Variants in NRG1 observed in about 807,000 individuals in gnomAD.
NRG1 encodes the protein pro-neuregulin-1, membrane-bound isoform.
Under a neutral mutation model 63.8 loss-of-function variants are expected in NRG1, and 18 were observed. That is an observed-to-expected ratio of 0.28 (90% CI 0.19 to 0.42). The LOEUF (loss-of-function observed/expected upper bound fraction) is 0.42. Among genes scored for constraint, NRG1 ranks in the 10% least tolerant of loss-of-function variants. The pLI is 1.00. For missense variants in NRG1, 762 were observed against 814.7 expected (o/e 0.94, Z 0.79); for synonymous variants, 302 against 301.3 (o/e 1.00, Z -0.02).
chr8:31,643,014 A>G (rs1803952754), intron 1 of NRG1, among the ~76,000 whole-genome samples: 1 of 151,514 alleles, frequency 6.6e-6, no homozygotes, highest in African/African-American at 2.4e-5. Flanking sequence ...GAGAGAATGA[A>G]TGAATGTGTG....
chr8:31,829,704 G>A (rs1027618563), intron 1 of NRG1, among the ~76,000 whole-genome samples: 1 of 152,194 alleles, frequency 6.6e-6, no homozygotes, highest in South Asian at 2.1e-4. Context: ...GATGTGTCCT[G>A]CAGCAGGTTG....
intron 1 of NRG1, among the ~76,000 whole-genome samples, chr8:32,154,547 C>G (rs550534482): frequency 6.6e-6 from 1 of 152,066 alleles, no homozygotes; most frequent in Non-Finnish European, 1.5e-5. Context: ...TATTTTCCTT[C>G]CTTCCTTCCT....
intron 5 of NRG1, chr8:32,647,345 C>T (rs1853815788): frequency 2.2e-5 from 22 of 985,326 alleles, no homozygotes; most frequent in Non-Finnish European, 2.7e-5. Context: ...TTCAGATGCT[C>T]GAGGTGAGAA....
At chr8:31,998,001 G>A (rs1180818457) in intron 1 of NRG1, among the ~76,000 whole-genome samples, 2 of 151,866 alleles carry the variant, frequency 1.3e-5, no homozygotes, top group Non-Finnish European at 2.9e-5. Context: ...ATCCTCTATT[G>A]CCTCTTAAAT....
rs544331193 is a variant in NRG1, at chr8:32,606,520, C to CT, written c.400+837_400+838insT. 5.1e-4 allele frequency among the ~76,000 whole-genome samples: 77 copies of CT among 151,724 alleles called. 1 individual carries two copies. The highest frequency in any genetic ancestry group is 1.8e-3 in the African/African-American group (74 of 41,102). ...TTCCAGGAAATTAAAAGAACCACCC[C>CT]GATGGCTTTGTGTTTTGTAATAGCC... On this transcript the variant is annotated intron_variant, in intron 3 of 11. Coordinates refer to ENST00000356819, the Ensembl canonical transcript of NRG1.
At chr8:31,729,360 C>T (rs1486997656) in intron 1 of NRG1, among the ~76,000 whole-genome samples, 2 of 151,888 alleles carry the variant, frequency 1.3e-5, no homozygotes, top group African/African-American at 4.8e-5. Context: ...GTCTTATCTG[C>T]TTTGGCAAAT....
In NRG1 at chr8:32,179,859, C is replaced by G. The variant is rs761608521; in HGVS notation, c.38-415969C>G. Among the ~76,000 whole-genome samples the G allele has an allele frequency of 9.2e-5, 14 of 152,134 alleles. No individual in the cohort carries two copies. In the South Asian group the frequency reaches 1.2e-3, roughly 14 times the overall value. On this transcript the variant is annotated intron_variant, in intron 1 of 10. Transcript: ENST00000519301. ...TTAGTTTCTACTTTTTGCATTTAAT[C>G]GGAGCATCTTTGTAATTTACAATTT...
chr8:32,190,985 T>C (rs1230050054), intron 1 of NRG1, among the ~76,000 whole-genome samples: 3 of 152,176 alleles, frequency 2.0e-5, no homozygotes, highest in Non-Finnish European at 4.4e-5. Context: ...TAGACAAACA[T>C]CCATTTGCTC....
intron 1 of NRG1, among the ~76,000 whole-genome samples, chr8:31,899,847 A>G (rs1252724424): frequency 6.6e-6 from 1 of 151,544 alleles, no homozygotes; most frequent in Non-Finnish European, 1.5e-5. Flanking sequence ...AAATAAAAGA[A>G]ATAGAATGAA....
chr8:32,728,081 A>C lies in NRG1; in HGVS notation c.632+3A>C, dbSNP rs1822684162. On this transcript the variant is annotated splice_donor_region_variant and intron_variant, in intron 6 of 11. Transcript: ENST00000356819. ...AACCCCTCGAGATACTTGTGCAAGT[A>C]AGAAAAGAAATCCTGTGTGTCGCTT... 6.2e-7 allele frequency: 1 copy of C among 1,613,980 alleles called. No homozygotes were observed. Among genetic ancestry groups the C allele is most frequent in the Non-Finnish European group, 8.5e-7 (1 of 1,179,864 alleles).
chr8:31,896,973 G>A (rs750241108), intron 1 of NRG1, among the ~76,000 whole-genome samples: 3 of 152,166 alleles, frequency 2.0e-5, no homozygotes, highest in African/African-American at 7.2e-5. Context: ...TGAAGAATTT[G>A]TATGAATAAA....
intron 1 of NRG1, among the ~76,000 whole-genome samples, chr8:31,990,414 G>A (rs973094693): frequency 2.0e-5 from 3 of 152,004 alleles, no homozygotes; most frequent in Admixed American, 1.3e-4. Flanking sequence ...GAAATGCCCA[G>A]ACAAGACAGG....
chr8:31,925,013 C>G (rs1834223536), intron 1 of NRG1, among the ~76,000 whole-genome samples: 1 of 150,964 alleles, frequency 6.6e-6, no homozygotes. Context: ...TATTGCTTAT[C>G]ATATGGTCCA....
chr8:32,128,800 T>C (rs1834431743), intron 1 of NRG1, among the ~76,000 whole-genome samples: 1 of 152,078 alleles, frequency 6.6e-6, no homozygotes, highest in South Asian at 2.1e-4. Context: ...TGTCAAAGCC[T>C]TCTCAATCTG....
intron 1 of NRG1, among the ~76,000 whole-genome samples, chr8:32,174,209 A>T (rs184744435): frequency 0.042 from 6,368 of 152,254 alleles, 201 homozygotes; most frequent in Middle Eastern, 0.092. Flanking sequence ...CTCAACTACA[A>T]GGAAACTGAA....
chr8:31,807,347 C>G (rs970304124), intron 1 of NRG1, among the ~76,000 whole-genome samples: 1 of 152,080 alleles, frequency 6.6e-6, no homozygotes, highest in African/African-American at 2.4e-5. Context: ...GTTTTTAAGT[C>G]ACATTTTATT....
At chr8:32,105,094 A>G (rs1831088285) in intron 1 of NRG1, among the ~76,000 whole-genome samples, 1 of 152,176 alleles carries the variant, frequency 6.6e-6, no homozygotes, top group Non-Finnish European at 1.5e-5. Context: ...TTACGCTAGC[A>G]TCACCGCAGA....
At chr8:32,564,144 T>C (rs1836997045) in intron 1 of NRG1, among the ~76,000 whole-genome samples, 1 of 152,196 alleles carries the variant, frequency 6.6e-6, no homozygotes, top group South Asian at 2.1e-4. Flanking sequence ...CTGTCTGTCA[T>C]TATTACAATA....
At chr8:32,296,122 A>G (rs1854835166) in intron 1 of NRG1, among the ~76,000 whole-genome samples, 1 of 152,116 alleles carries the variant, frequency 6.6e-6, no homozygotes, top group Admixed American at 6.5e-5. Flanking sequence ...GAGCTCCTGG[A>G]CAAAACATGT....
Sources: allele counts gnomAD v4.1 joint callset (sites outside exome capture counted in the v4.1 genomes callset), GRCh38; gene constraint gnomAD v4.1.1; transcripts MANE v1.5; gene names NCBI Gene and HGNC (gene_info 2026-07-23, HGNC 2026-07-21).